Variants in DCAF10 observed in about 807,000 individuals in gnomAD.
DCAF10 encodes the protein DDB1- and CUL4-associated factor 10.
A neutral mutation model predicts 51.9 loss-of-function variants in DCAF10; 19 were observed. The ratio of observed to expected loss-of-function variants is 0.37; its 90% CI spans 0.26 to 0.54. The LOEUF (loss-of-function observed/expected upper bound fraction) is 0.54. Among genes scored for constraint, DCAF10 ranks in the 20% least tolerant of loss-of-function variants. The probability of loss-of-function intolerance (pLI) is 0.87; values close to 1 mark genes in which losing one functional copy is unlikely to be tolerated. For missense variants in DCAF10, 510 were observed against 730.6 expected, an observed-to-expected ratio of 0.70 and a Z score of 3.48; for synonymous variants, 291 against 297.1, an observed-to-expected ratio of 0.98 and a Z score of 0.21.
chr9:37,861,573 G>A lies in DCAF10; in HGVS notation c.*65G>A, dbSNP rs540384230. 6.5e-7 allele frequency: 1 copy of A among 1,533,356 alleles called. No homozygotes were observed. The highest frequency in any genetic ancestry group is 8.8e-7 in the Non-Finnish European group (1 of 1,142,686). 95.0% of individuals were successfully genotyped at this position (1,533,356 alleles called of 1,614,324 possible). On this transcript the variant is annotated 3_prime_UTR_variant, in exon 7 of 7. Transcript: ENST00000377724. The surrounding 1 kb of genome is among the most constrained non-coding windows in gnomAD (Gnocchi z 4.9). ...ACTTAGGAATTGCTTCAATTTAGAT[G>A]AAGTATTTTCTTTTTAGAAGATCTT... is the stretch of plus-strand genomic sequence containing the variant.
chr9:37,857,971 C>T (rs923400736), intron 5 of DCAF10, among the ~76,000 whole-genome samples: 2 of 152,172 alleles, frequency 1.3e-5, no homozygotes, highest in Non-Finnish European at 2.9e-5. Context: ...GACGTCTAAG[C>T]TCTTATACCA....
intron 3 of DCAF10, among the ~76,000 whole-genome samples, chr9:37,852,930 T>TATATATATATATA (rs1830710395): frequency 2.7e-5 from 3 of 109,818 alleles, no homozygotes; most frequent in Admixed American, 2.0e-4. Flanking sequence ...GTATGTGAGG[T>TATATATATATATA]TATATATATA....
At chr9:37,813,072 A>AT (rs966063193) in intron 1 of DCAF10, among the ~76,000 whole-genome samples, 9 of 152,120 alleles carry the variant, frequency 5.9e-5, no homozygotes, top group Non-Finnish European at 1.2e-4. Context: ...TTAACATACT[A>AT]AATAGCATAT....
intron 1 of DCAF10, among the ~76,000 whole-genome samples, chr9:37,816,893 A>T (rs1829556629): frequency 6.6e-6 from 1 of 152,360 alleles, no homozygotes; most frequent in East Asian, 1.9e-4. Context: ...AAAATTTTTT[A>T]ACAGAACCTG....
At chr9:37,834,076 A>G (rs180710685) in intron 2 of DCAF10, among the ~76,000 whole-genome samples, 1 of 152,228 alleles carries the variant, frequency 6.6e-6, no homozygotes, top group African/African-American at 2.4e-5. Flanking sequence ...AGTAGCTGAT[A>G]TTACAGGCAG....
In DCAF10 at chr9:37,801,815, C is replaced by T. The variant is rs113640399; in HGVS notation, c.539+410C>T. Among the ~76,000 whole-genome samples the T allele has an allele frequency of 5.5e-3, 832 of 152,318 alleles. 6 individuals carry two copies. The highest frequency in any genetic ancestry group is 0.024 in the Middle Eastern group (7 of 294). On this transcript the variant is annotated intron_variant, in intron 1 of 6. Transcript: ENST00000377724. This position sits in a 1 kb window ranked among gnomAD's most constrained non-coding sequence, Gnocchi z 5.5. ...CTAAACCTGTGTCGGGGTAGGAAAGCTGTAGATTCCTTGCACTCTGTACCT... is the reference window on the plus strand; with the variant it reads ...CTAAACCTGTGTCGGGGTAGGAAAGTTGTAGATTCCTTGCACTCTGTACCT...
At chr9:37,853,884 T>C (rs532571319) in intron 3 of DCAF10, among the ~76,000 whole-genome samples, 3 of 152,234 alleles carry the variant, frequency 2.0e-5, no homozygotes, top group South Asian at 4.1e-4. Context: ...ATCATTCTTA[T>C]TGGCATCAAA....
At position 37,866,113 on chromosome 9, in the gene DCAF10, A is replaced by G. The variant is rs879934283; in HGVS notation, c.*4605A>G. The G allele has an allele frequency of 2.0e-5, 3 of 152,568 alleles. No individual in the cohort carries two copies. The highest frequency in any genetic ancestry group is 7.2e-5 in the African/African-American group (3 of 41,444). The allele number at this position is 152,568 out of a possible 1,614,324, so 9.5% of individuals were successfully genotyped here. On this transcript the variant is annotated 3_prime_UTR_variant, in exon 7 of 7. Transcript: ENST00000377724. Reference sequence around the variant, plus strand: ...CAGTCACTGAGCGCTGTGAAAATTCACTCAGTGATACCCCGTGTTGGTCTT... The same window carrying G: ...CAGTCACTGAGCGCTGTGAAAATTCGCTCAGTGATACCCCGTGTTGGTCTT...
chr9:37,836,025 C>T (rs1297538016), intron 2 of DCAF10: 16 of 1,029,700 alleles, frequency 1.6e-5, no homozygotes, highest in African/African-American at 1.3e-4. Context: ...CGGCCCCAAA[C>T]GCCGTCCGCG....
intron 2 of DCAF10, among the ~76,000 whole-genome samples, chr9:37,828,293 T>C (rs987962599): frequency 2.0e-5 from 3 of 151,782 alleles, no homozygotes; most frequent in Non-Finnish European, 2.9e-5. Context: ...TTCAATTGGA[T>C]TCAGGTTGGA....
At chr9:37,855,121 TG>T (rs1484488525) in intron 4 of DCAF10, 139 bp downstream of exon 4, 4 of 732,780 alleles carry the variant, frequency 5.5e-6, no homozygotes, top group Non-Finnish European at 4.4e-6. Context: ...AGCTCATTGA[TG>T]GGTTTTTATC....
At chr9:37,814,737 C>T (rs1829476049) in intron 1 of DCAF10, among the ~76,000 whole-genome samples, 1 of 152,152 alleles carries the variant, frequency 6.6e-6, no homozygotes, top group Non-Finnish European at 1.5e-5. Flanking sequence ...AATAATACTG[C>T]ATCAGTAGTT....
chr9:37,837,845 CAAA>C (rs111802269), intron 2 of DCAF10, among the ~76,000 whole-genome samples: 1 of 133,674 alleles, frequency 7.5e-6, no homozygotes, highest in Non-Finnish European at 1.6e-5. Flanking sequence ...GCTTGTGTGT[CAAA>C]AAAAAAAAAA....
chr9:37,833,641 A>G (rs182051767), intron 2 of DCAF10, among the ~76,000 whole-genome samples: 2 of 152,240 alleles, frequency 1.3e-5, no homozygotes, highest in East Asian at 3.9e-4. Context: ...TGTTACAGTC[A>G]TGTATGCTGG....
In DCAF10 at chr9:37,865,219, GC is replaced by G. The variant is rs999996139; in HGVS notation, c.*3712del. ...GACTAAAAAACTTCAAGCAGAATAA[GC>G]AGCTATAAAATAGAAAAGAAAAATT... On this transcript the variant is annotated 3_prime_UTR_variant, in exon 7 of 7. Transcript: ENST00000377724. The G allele has an allele frequency of 3.3e-5, 5 of 151,712 alleles. No individual in the cohort carries two copies. Among genetic ancestry groups the G allele is most frequent in the African/African-American group, 1.2e-4 (5 of 41,236 alleles). 9.4% of individuals were successfully genotyped at this position (151,712 alleles called of 1,614,324 possible). A position where few individuals can be genotyped will look rare whatever the true frequency, so the allele number is the denominator to read the frequency against.
At chr9:37,842,007 T>C (rs2118042486) in intron 2 of DCAF10, 82 bp from the exon 3 acceptor site, 1 of 1,320,402 alleles carries the variant, frequency 7.6e-7, no homozygotes, top group Non-Finnish European at 1.0e-6. Flanking sequence ...CTTGACTAGG[T>C]AATATAGTGA....
chr9:37,842,861 T>C (rs1409086738), intron 3 of DCAF10, among the ~76,000 whole-genome samples: 1 of 152,264 alleles, frequency 6.6e-6, no homozygotes, highest in Non-Finnish European at 1.5e-5. Context: ...ATGCCAGTTA[T>C]GCCTCTGTTG....
chr9:37,847,253 CAAAAAAAA>C (rs78089886), intron 3 of DCAF10, among the ~76,000 whole-genome samples: 1 of 32,952 alleles, frequency 3.0e-5, no homozygotes, highest in Non-Finnish European at 5.7e-5. Flanking sequence ...AACTCCATCT[CAAAAAAAA>C]AAAAAAAAAA....
At chr9:37,803,884 A>G (rs1420833934) in intron 1 of DCAF10, among the ~76,000 whole-genome samples, 1 of 151,540 alleles carries the variant, frequency 6.6e-6, no homozygotes, top group African/African-American at 2.4e-5. Context: ...AGAGACCACA[A>G]TATAAGGAAT....
Sources: gnomAD v4.1 joint callset for allele counts (sites outside exome capture counted in the v4.1 genomes callset) on GRCh38, gnomAD v4.1.1 for gene constraint, Gnocchi (gnomAD v3.1) non-coding constraint, MANE v1.5 for transcripts, NCBI Gene and HGNC (gene_info 2026-07-23, HGNC 2026-07-21) for gene names.